Variants in GBP7 observed in about 807,000 individuals in gnomAD.
GBP7 encodes the protein guanylate binding protein 7.
GBP7 carries 43 observed loss-of-function variants against 61.3 expected under a neutral mutation model. The observed-to-expected ratio is 0.70, with a 90% confidence interval of 0.55 to 0.91. The LOEUF (loss-of-function observed/expected upper bound fraction) is 0.91, where lower values mean the gene tolerates loss of function less well. Ranked by LOEUF, GBP7 falls within the 40% of genes least tolerant of loss-of-function variation. GBP7 has a pLI of 0.00. For synonymous variants in GBP7, 267 were observed against 271.0 expected (o/e 0.99, Z 0.14); for missense variants, 717 against 740.5 (o/e 0.97, Z 0.37).
At chr1:89,136,176 G>A (rs1210328432) in intron 9 of GBP7, among the ~76,000 whole-genome samples, 1 of 152,108 alleles carries the variant, frequency 6.6e-6, no homozygotes, top group Non-Finnish European at 1.5e-5. Flanking sequence ...AGTTCAAAGA[G>A]ACCTATGAAG....
rs1682225614 is a variant in GBP7, at chr1:89,152,433, C to T, written c.460G>A (p.Ala154Thr). Residue 154 changes from alanine to threonine, a missense_variant, in exon 5 of 11, where the codon GCA becomes ACA. Transcript: ENST00000294671. The stretch of plus-strand genomic sequence containing the variant: ...TCATCAGGTCTGGGGCACGATTTTG[C>T]CCTGATTAGCTCTGTTAGCTCAGTC... ...YVTELTELIR[A>T]KSCPRPDEVE... 1 of 1,614,100 alleles carries T rather than the reference C, an allele frequency of 6.2e-7. No individual in the cohort carries two copies. Among genetic ancestry groups the T allele is most frequent in the Non-Finnish European group, 8.5e-7 (1 of 1,179,976 alleles).
At chr1:89,169,063 AG>A (rs1367295350) in intron 2 of GBP7, among the ~76,000 whole-genome samples, 2 of 152,218 alleles carry the variant, frequency 1.3e-5, no homozygotes, top group African/African-American at 4.8e-5. Flanking sequence ...TAACAGTTAA[AG>A]GCAAATGGAA....
rs539370330 is a variant in GBP7 at position 89,139,290 on chromosome 1, G to C, written c.1468+2256C>G. On this transcript the variant is annotated intron_variant, in intron 9 of 10. Transcript: ENST00000294671. ...CCTTCCTTACACCTTATACAAAAAT[G>C]AATTCAAGATGGATTAAAGACTTAG... Among the ~76,000 whole-genome samples the C allele has an allele frequency of 2.6e-4, 39 of 150,016 alleles. 1 individual carries two copies. In the South Asian group the frequency reaches 6.4e-3, roughly 24 times the overall value.
In GBP7 at chr1:89,161,009, C is replaced by T. The variant is rs148993220; in HGVS notation, c.318+3722G>A. 4.9e-3 allele frequency among the ~76,000 whole-genome samples: 740 copies of T among 152,254 alleles called. 4 individuals are homozygous for T. Among genetic ancestry groups the T allele is most frequent in the African/African-American group, 0.016 (684 of 41,542 alleles). ...GTCCATGTGTTCTCATCATTTAGCTCCCACTTATAAGTGAGAACATGTGGT... is the reference window on the plus strand; with the variant it reads ...GTCCATGTGTTCTCATCATTTAGCTTCCACTTATAAGTGAGAACATGTGGT... On this transcript the variant is annotated intron_variant, in intron 3 of 10. Transcript: ENST00000294671.
intron 3 of GBP7, among the ~76,000 whole-genome samples, chr1:89,154,016 G>C (rs1355524609): frequency 6.6e-6 from 1 of 152,186 alleles, no homozygotes; most frequent in Non-Finnish European, 1.5e-5. Flanking sequence ...ATAGGTATGT[G>C]GAGAAGACAA....
intron 1 of GBP7, among the ~76,000 whole-genome samples, chr1:89,174,264 G>GAGTCCT (rs1557468259): frequency 6.6e-6 from 1 of 152,164 alleles, no homozygotes. Context: ...TTTCAGGATA[G>GAGTCCT]AGTCCTACCA....
At chr1:89,162,029 CTT>C (rs1383148101) in intron 3 of GBP7, among the ~76,000 whole-genome samples, 8 of 133,424 alleles carry the variant, frequency 6.0e-5, no homozygotes. Context: ...AATAGGGAAT[CTT>C]TTCCCCATTG....
chr1:89,171,650 C>T, intron 2 of GBP7, 96 bp downstream of exon 2: 1 of 1,120,970 alleles, frequency 8.9e-7, no homozygotes, highest in Non-Finnish European at 1.3e-6. Flanking sequence ...AATACTTATC[C>T]CCAACACTAA....
At chr1:89,162,804 C>A (rs952210825) in intron 3 of GBP7, among the ~76,000 whole-genome samples, 4 of 152,074 alleles carry the variant, frequency 2.6e-5, no homozygotes, top group Non-Finnish European at 4.4e-5. Flanking sequence ...CTATGTTGAA[C>A]AGGAGTGGTG....
chr1:89,133,421 T>G lies in GBP7; in HGVS notation c.1499A>C (p.Lys500Thr), dbSNP rs751527759. The G allele has an allele frequency of 1.2e-5, 20 of 1,613,768 alleles. No homozygotes were observed. In the South Asian group the frequency reaches 2.2e-4, roughly 18 times the overall value. The change falls in exon 10 of 11, where the codon AAG becomes ACG. Residue 500 changes from lysine to threonine, a missense_variant. This residue lies in a region of GBP7 where 312 missense variants were observed against 310.1 expected (regional missense o/e 1.01). Coordinates refer to ENST00000294671, the MANE Select transcript of GBP7 (RefSeq NM_207398.3). Reference protein sequence around the residue: ...AKQAKKEAAEKEQELLRQKQK... With the variant: ...AKQAKKEAAETEQELLRQKQK... ...TTTTTGTCTTAGCAGCTCCTGTTCC[T>G]TTTCAGCTGCCTCCTTCTTAGCCTG...
At chr1:89,174,343 G>A (rs1326502544) in intron 1 of GBP7, among the ~76,000 whole-genome samples, 1 of 152,122 alleles carries the variant, frequency 6.6e-6, no homozygotes, top group African/African-American at 2.4e-5. Context: ...TCTCCAGAAA[G>A]TTGTACAAGG....
chr1:89,158,023 T>G (rs752058822), intron 3 of GBP7, among the ~76,000 whole-genome samples: 4 of 152,158 alleles, frequency 2.6e-5, no homozygotes, highest in African/African-American at 4.8e-5. Flanking sequence ...ACGATCAAGT[T>G]GGCTTCATCC....
intron 1 of GBP7, among the ~76,000 whole-genome samples, chr1:89,174,903 A>G (rs1032974447): frequency 6.6e-6 from 1 of 152,224 alleles, no homozygotes; most frequent in African/African-American, 2.4e-5. Flanking sequence ...TTGAAAAACC[A>G]TGGCTTGTTT....
chr1:89,155,589 G>A (rs569959876), intron 3 of GBP7, among the ~76,000 whole-genome samples: 3 of 152,172 alleles, frequency 2.0e-5, no homozygotes, highest in African/African-American at 7.2e-5. Context: ...ATTTGATCAA[G>A]TGGAAGAAAG....
intron 2 of GBP7, among the ~76,000 whole-genome samples, chr1:89,165,373 G>A (rs188399497): frequency 1.3e-5 from 2 of 151,984 alleles, no homozygotes; most frequent in Middle Eastern, 3.2e-3. Flanking sequence ...GGTCGTGCAC[G>A]CCTGTAGTCC....
chr1:89,135,381 A>G (rs753296740), intron 9 of GBP7, among the ~76,000 whole-genome samples: 4 of 152,124 alleles, frequency 2.6e-5, no homozygotes, highest in South Asian at 4.1e-4. Context: ...ACCATCCCCA[A>G]CACATGAAAT....
At chr1:89,155,078 C>T (rs1682283246) in intron 3 of GBP7, among the ~76,000 whole-genome samples, 1 of 152,206 alleles carries the variant, frequency 6.6e-6, no homozygotes, top group African/African-American at 2.4e-5. Flanking sequence ...TGGTGATACC[C>T]AGGCAAACAG....
At chr1:89,145,236 C>A (rs889841789) in intron 8 of GBP7, among the ~76,000 whole-genome samples, 3 of 152,230 alleles carry the variant, frequency 2.0e-5, no homozygotes, top group African/African-American at 7.2e-5. Context: ...GAGGTGTGAG[C>A]CACTGTGCCT....
chr1:89,132,197 G>C lies in GBP7; in HGVS notation c.1869C>G (p.Ser623Arg), dbSNP rs1316940662. Residue 623 changes from serine (S) to arginine (R), a missense_variant, in exon 11 of 11, where the codon AGC becomes AGG. Around this residue, in one of 3 missense-constraint regions of GBP7, gnomAD observed 312 missense variants for 310.1 expected, o/e 1.01. Transcript: ENST00000294671. ...GATTTCTCAGCCTATTACATAATGA[G>C]CTAAGAATTTTCATTCCTAAATCAA... ...KLVDLGMKIL[S>R]SLCNRLRNPG... The C allele has an allele frequency of 5.0e-6, 8 of 1,612,718 alleles. No individual in the cohort carries two copies. Among genetic ancestry groups the C allele is most frequent in the Non-Finnish European group, 4.2e-6 (5 of 1,178,958 alleles).
Sources: gnomAD v4.1 joint callset for allele counts (sites outside exome capture counted in the v4.1 genomes callset) on GRCh38, gnomAD v4.1.1 for gene constraint, gnomAD v4.1.1 regional missense constraint, MANE v1.5 for transcripts, NCBI Gene and HGNC (gene_info 2026-07-23, HGNC 2026-07-21) for gene names.